The following PSME3IP1 variants were observed in gnomAD, a reference collection of about 807,000 sequenced individuals.
PSME3IP1 encodes PSME3-interacting protein.
In PSME3IP1, 13 loss-of-function variants were observed where a neutral mutation model predicts 34.1. The ratio of observed to expected loss-of-function variants is 0.38; its 90% CI spans 0.25 to 0.61. The LOEUF (loss-of-function observed/expected upper bound fraction) is 0.61, where lower values mean the gene tolerates loss of function less well. Among genes scored for constraint, PSME3IP1 ranks in the 20% least tolerant of loss-of-function variants. The pLI is 0.60. For synonymous variants in PSME3IP1, 93 were observed against 114.3 expected (o/e 0.81, Z 1.19); for missense variants, 237 against 301.4 (o/e 0.79, Z 1.58).
At chr16:57,168,264 G>A (rs940338533) in intron 4 of PSME3IP1, among the ~76,000 whole-genome samples, 2 of 152,144 alleles carry the variant, frequency 1.3e-5, no homozygotes, top group African/African-American at 4.8e-5. Flanking sequence ...TATGGTTAAG[G>A]TTATTTATCT....
At chr16:57,158,002 A>C (rs1305391672) in intron 6 of PSME3IP1, among the ~76,000 whole-genome samples, 1 of 152,220 alleles carries the variant, frequency 6.6e-6, no homozygotes, top group African/African-American at 2.4e-5. Flanking sequence ...GAAGGCAAGC[A>C]TTCTTTTATC....
intron 6 of PSME3IP1, among the ~76,000 whole-genome samples, chr16:57,163,617 G>A (rs2071526872): frequency 6.6e-6 from 1 of 152,204 alleles, no homozygotes; most frequent in African/African-American, 2.4e-5. Flanking sequence ...ACAACAATGA[G>A]CAGGAGCCAG....
At chr16:57,176,510 T>A (rs753641160) in intron 1 of PSME3IP1, among the ~76,000 whole-genome samples, 3 of 152,228 alleles carry the variant, frequency 2.0e-5, no homozygotes, top group Admixed American at 6.5e-5. Context: ...TCTAAGCAGA[T>A]TTGACTGTTA....
intron 1 of PSME3IP1, among the ~76,000 whole-genome samples, chr16:57,179,634 G>A (rs2073513209): frequency 6.6e-6 from 1 of 152,138 alleles, no homozygotes; most frequent in African/African-American, 2.4e-5. Context: ...ATTATGTGAT[G>A]GCAAACTACT....
rs2070116546 is a variant in PSME3IP1, at chr16:57,153,056, G to A, written c.*1234C>T. The A allele has an allele frequency of 6.6e-6, 1 of 152,666 alleles. No individual in the cohort carries two copies. Among genetic ancestry groups the A allele is most frequent in the African/African-American group, 2.4e-5 (1 of 41,464 alleles). 9.5% of individuals were successfully genotyped at this position (152,666 alleles called of 1,614,324 possible). A position where few individuals can be genotyped will look rare whatever the true frequency, so the allele number is the denominator to read the frequency against. On this transcript the variant is annotated 3_prime_UTR_variant, in exon 7 of 7. Coordinates refer to ENST00000309137, the MANE Select transcript of PSME3IP1 (RefSeq NM_024946.4). ...CAATTGATGTAGGAATAAGGGGAAT[G>A]GATAAAGAATGGTACATGCTTATTC...
At chr16:57,176,168 C>T (rs2073154222) in intron 1 of PSME3IP1, among the ~76,000 whole-genome samples, 1 of 152,162 alleles carries the variant, frequency 6.6e-6, no homozygotes, top group Non-Finnish European at 1.5e-5. Flanking sequence ...AAACCAGAGC[C>T]AACAATTTCT....
intron 4 of PSME3IP1, among the ~76,000 whole-genome samples, chr16:57,168,784 CAA>C (rs2072210230): frequency 1.2e-5 from 1 of 86,642 alleles, no homozygotes; most frequent in African/African-American, 4.6e-5. Flanking sequence ...GCCTGGGTAA[CAA>C]GAGCGAAACT....
chr16:57,171,069 A>T (rs776726941), intron 4 of PSME3IP1, among the ~76,000 whole-genome samples: 23 of 131,692 alleles, frequency 1.7e-4, no homozygotes, highest in Non-Finnish European at 3.1e-4. Context: ...GAGAAACTCC[A>T]TCTCAAAAAA....
At chr16:57,177,579 T>C (rs2073307310) in intron 1 of PSME3IP1, among the ~76,000 whole-genome samples, 1 of 151,894 alleles carries the variant, frequency 6.6e-6, no homozygotes, top group African/African-American at 2.4e-5. Flanking sequence ...AAAAAAAAAA[T>C]TTAAAGGCAA....
At chr16:57,185,251 C>T (rs2074065133) in intron 1 of PSME3IP1, among the ~76,000 whole-genome samples, 1 of 152,212 alleles carries the variant, frequency 6.6e-6, no homozygotes, top group Non-Finnish European at 1.5e-5. Context: ...CCCCTTTCCT[C>T]TGTGTGGACT....
At position 57,154,353 on chromosome 16, in the gene PSME3IP1, G is replaced by C. The variant is rs764328745; in HGVS notation, c.702C>G (p.Ile234Met). 7.4e-6 allele frequency: 12 copies of C among 1,614,012 alleles called. No homozygotes were observed. The highest frequency in any genetic ancestry group is 1.0e-5 in the Non-Finnish European group (12 of 1,180,032). Residue 234 changes from isoleucine to methionine, a missense_variant, in exon 7 of 7, where the codon ATC (isoleucine) becomes ATG (methionine). By Grantham distance (10) the Ile-to-Met change is conservative. Transcript: ENST00000309137. The surrounding 1 kb of genome is among the most constrained non-coding windows in gnomAD (Gnocchi z 4.0). ...AGGAGACAATCTTTCCGGTGGCATTGATGGTGCCTTCGCTGTCTGAGCTGG... is the reference window on the plus strand; with the variant it reads ...AGGAGACAATCTTTCCGGTGGCATTCATGGTGCCTTCGCTGTCTGAGCTGG... ...SESSSDSEGT[I>M]NATGKIVSSI...
chr16:57,171,825 G>A (rs1333034803), intron 4 of PSME3IP1, among the ~76,000 whole-genome samples: 1 of 152,230 alleles, frequency 6.6e-6, no homozygotes, highest in African/African-American at 2.4e-5. Context: ...CTAGAGCAAA[G>A]TCATCTTTGC....
chr16:57,178,475 G>C (rs1430251590), intron 1 of PSME3IP1: 3 of 809,732 alleles, frequency 3.7e-6, no homozygotes, highest in African/African-American at 1.9e-5. Flanking sequence ...ACAGTGTCTG[G>C]CATATATTAG....
At chr16:57,155,758 A>G (rs2070437371) in intron 6 of PSME3IP1, among the ~76,000 whole-genome samples, 1 of 152,102 alleles carries the variant, frequency 6.6e-6, no homozygotes, top group Non-Finnish European at 1.5e-5. Flanking sequence ...GTGAGTTGAG[A>G]TCGCGCTACT....
At chr16:57,157,268 G>T (rs570972692) in intron 6 of PSME3IP1, among the ~76,000 whole-genome samples, 2 of 143,886 alleles carry the variant, frequency 1.4e-5, no homozygotes, top group Admixed American at 1.5e-4. Flanking sequence ...AGCCATGATC[G>T]CACCACAGAA....
Position 57,167,082 on chromosome 16 carries a change from T to C in PSME3IP1, c.482+11A>G, listed in dbSNP as rs779027848. ...CAGAGAGAAATCTGAGTTGTGTGAGTGCTGACTAACCTCTTATGCTTCACA... is the reference window on the plus strand; with the variant it reads ...CAGAGAGAAATCTGAGTTGTGTGAGCGCTGACTAACCTCTTATGCTTCACA... On this transcript the variant is annotated intron_variant, in intron 5 of 6. Coordinates refer to ENST00000309137, the MANE Select transcript of PSME3IP1 (RefSeq NM_024946.4). 3.7e-6 allele frequency: 6 copies of C among 1,612,642 alleles called. No homozygotes were observed. The Admixed American group carries it at 8.3e-5, about 22-fold the overall frequency.
chr16:57,179,361 T>C (rs1423331539), intron 1 of PSME3IP1, among the ~76,000 whole-genome samples: 1 of 152,232 alleles, frequency 6.6e-6, no homozygotes, highest in Non-Finnish European at 1.5e-5. Context: ...TGCCTGACCG[T>C]CAAGAAAACA....
At chr16:57,155,636 T>C (rs2070425979) in intron 6 of PSME3IP1, among the ~76,000 whole-genome samples, 1 of 152,092 alleles carries the variant, frequency 6.6e-6, no homozygotes, top group Admixed American at 6.5e-5. Flanking sequence ...ATCCCATCTC[T>C]ACTAAAAGTA....
intron 1 of PSME3IP1, among the ~76,000 whole-genome samples, chr16:57,181,056 A>T (rs112063577): frequency 1.3e-5 from 2 of 152,310 alleles, no homozygotes; most frequent in African/African-American, 4.8e-5. Context: ...AGGGGGAAAA[A>T]AAAGAAGTTA....
Sources: allele counts gnomAD v4.1 joint callset (sites outside exome capture counted in the v4.1 genomes callset), GRCh38; gene constraint gnomAD v4.1.1; non-coding constraint Gnocchi (gnomAD v3.1); transcripts MANE v1.5; gene names NCBI Gene and HGNC (gene_info 2026-07-23, HGNC 2026-07-21).